Variants in GOLGB1 observed in about 807,000 individuals in gnomAD.
The protein encoded by GOLGB1 is golgin B1, also known as golgin subfamily B member 1.
Under a neutral mutation model 336.9 loss-of-function variants are expected in GOLGB1, and 174 were observed. The observed-to-expected ratio is 0.52, with a 90% CI of 0.46 to 0.59. GOLGB1 has a LOEUF of 0.59. GOLGB1 is among the 20% of genes least tolerant of loss of function. The probability of loss-of-function intolerance (pLI) is 0.00; values close to 1 mark genes in which losing one functional copy is unlikely to be tolerated. For missense variants in GOLGB1, 3,331 were observed against 3,645.3 expected, an observed-to-expected ratio of 0.91 and a Z score of 2.22; for synonymous variants, 1,208 against 1,289.2, an observed-to-expected ratio of 0.94 and a Z score of 1.35.
intron 5 of GOLGB1, among the ~76,000 whole-genome samples, chr3:121,724,339 C>G (rs1268008578): frequency 1.3e-5 from 2 of 152,194 alleles, no homozygotes; most frequent in South Asian, 2.1e-4. Context: ...AAATGAGGAA[C>G]AAAGTATCAG....
Position 121,729,261 on chromosome 3 carries a change from T to C in GOLGB1, c.329A>G (p.Tyr110Cys). ...TCCTTGTGCTTTCATTTCTTCTATGTATTTATTCAAAGAAGTTAATTTGGC... is the reference window on the plus strand; with the variant it reads ...TCCTTGTGCTTTCATTTCTTCTATGCATTTATTCAAAGAAGTTAATTTGGC... ...AKAKLTSLNK[Y>C]IEEMKAQGGT... Residue 110 changes from tyrosine to cysteine, a missense_variant, in exon 4 of 22, where the codon TAC becomes TGC. By Grantham distance (194) the Tyr-to-Cys change is radical. Transcript: ENST00000614479. The C allele has an allele frequency of 6.2e-7, 1 of 1,610,662 alleles. No individual in the cohort carries two copies. Among genetic ancestry groups the C allele is most frequent in the Non-Finnish European group, 8.5e-7 (1 of 1,176,912 alleles).
chr3:121,669,401 A>G (rs779024353), intron 17 of GOLGB1, 46 bp from the exon 18 acceptor site: 3 of 1,495,372 alleles, frequency 2.0e-6, no homozygotes, highest in Admixed American at 2.0e-5. Context: ...TACTGTAAGC[A>G]GTGCTGAGGT....
Position 121,697,145 on chromosome 3 carries a change from A to G in GOLGB1, c.3378T>C (p.Ile1126=), listed in dbSNP as rs1294908023. 3 of 1,614,046 alleles carry G rather than the reference A, an allele frequency of 1.9e-6. No homozygotes were observed. The highest frequency in any genetic ancestry group is 2.5e-6 in the Non-Finnish European group (3 of 1,179,962). ...LQAEISENQA[I]IQKLITSNTD... is the part of the protein sequence containing the mutation. ...TGTTACTTGTGATTAACTTCTGGAT[A>G]ATTGCTTGGTTTTCACTGATTTCTG... Residue 1126 remains isoleucine, a synonymous_variant, in exon 13 of 22, where the codon ATT becomes ATC. Coordinates refer to ENST00000614479, the MANE Select transcript of GOLGB1 (RefSeq NM_001366282.2).
Position 121,696,421 on chromosome 3 carries a change from C to T in GOLGB1, c.4102G>A (p.Ala1368Thr), listed in dbSNP as rs1205984642. ...TGCAGGCTTTCGGCATGGACTTCAG[C>T]TTCATGGGATACTGTCTTTAGACTC... The part of the protein sequence containing the change: ...IESLKTVSHE[A>T]EVHAESLQQK... The change falls in exon 13 of 22, where the codon GCT (alanine) becomes ACT (threonine). Residue 1368 changes from alanine to threonine, a missense_variant. Transcript: ENST00000614479. The T allele has an allele frequency of 1.4e-5, 22 of 1,614,020 alleles. No homozygotes were observed. Among genetic ancestry groups the T allele is most frequent in the Non-Finnish European group, 1.9e-5 (22 of 1,180,024 alleles).
At chr3:121,664,712 A>C in intron 21 of GOLGB1, 98 bp from the exon 22 acceptor site, 6 of 1,192,310 alleles carry the variant, frequency 5.0e-6, no homozygotes, top group East Asian at 2.3e-5. Context: ...TGACCCAACC[A>C]CTGTAGAAAG....
At chr3:121,709,391 G>C (rs1199193144) in intron 10 of GOLGB1, among the ~76,000 whole-genome samples, 1 of 152,042 alleles carries the variant, frequency 6.6e-6, no homozygotes, top group East Asian at 1.9e-4. Context: ...AAGTGTACAA[G>C]GTATGTTCAC....
chr3:121,668,668 G>GT (rs1939048358), intron 18 of GOLGB1, among the ~76,000 whole-genome samples: 1 of 113,256 alleles, frequency 8.8e-6, no homozygotes, highest in Non-Finnish European at 1.7e-5. Context: ...GCGAGACTCC[G>GT]TCTCAAAAAA....
In GOLGB1 at chr3:121,695,397, T is replaced by G; in HGVS notation, c.5126A>C (p.His1709Pro). Residue 1709 changes from histidine (H) to proline (P), a missense_variant, in exon 13 of 22, where the codon CAC (histidine) becomes CCC (proline). Physicochemically the swap from His to Pro is moderately conservative, Grantham distance 77 (BLOSUM62 -2). Coordinates refer to ENST00000614479, the MANE Select transcript of GOLGB1 (RefSeq NM_001366282.2). ...EENDRLRAEV[H>P]PAGDTAKECM... ...CTCTTTAGCTGTATCTCCTGCAGGG[T>G]GCACCTCTGCCCTAAGCCGGTCATT... The G allele has an allele frequency of 4.3e-6, 7 of 1,614,098 alleles. No homozygotes were observed. The highest frequency in any genetic ancestry group is 5.9e-6 in the Non-Finnish European group (7 of 1,180,010).
chr3:121,668,239 A>C (rs1263568949), intron 18 of GOLGB1, 81 bp from the exon 19 acceptor site: 1 of 763,004 alleles, frequency 1.3e-6, no homozygotes, highest in Non-Finnish European at 2.2e-6. Context: ...GCTCGTTTAC[A>C]GAGGACTATC....
Position 121,681,728 on chromosome 3 carries a change from C to A in GOLGB1, c.8832G>T (p.Arg2944Ser). The A allele has an allele frequency of 1.2e-6, 2 of 1,612,664 alleles. No individual in the cohort carries two copies. The highest frequency in any genetic ancestry group is 8.5e-7 in the Non-Finnish European group (1 of 1,178,992). Reference protein sequence around the residue: ...KAFQIMQEELRQENLSWQHEL... With the variant: ...KAFQIMQEELSQENLSWQHEL... ...CATGCTGCCAGGAGAGGTTTTCCTG[C>A]CTGAGCTCTTCTTGCATAATCTGAA... The change falls in exon 15 of 22, where the codon AGG becomes AGT. Residue 2944 changes from arginine (R) to serine (S), a missense_variant. Physicochemically the swap from Arg to Ser is moderately radical, Grantham distance 110. Coordinates refer to ENST00000614479, the MANE Select transcript of GOLGB1 (RefSeq NM_001366282.2).
chr3:121,738,899 C>A (rs1459810497), intron 1 of GOLGB1, among the ~76,000 whole-genome samples: 2 of 152,058 alleles, frequency 1.3e-5, no homozygotes, highest in Non-Finnish European at 2.9e-5. Context: ...CAAGAGGAAA[C>A]CTTATCAAGT....
At chr3:121,742,533 A>G (rs1255799177) in intron 1 of GOLGB1, among the ~76,000 whole-genome samples, 1 of 152,266 alleles carries the variant, frequency 6.6e-6, no homozygotes, top group Non-Finnish European at 1.5e-5. Flanking sequence ...AAACCTAGGC[A>G]ATACCATTCA....
chr3:121,684,910 C>A (rs1157219322), intron 14 of GOLGB1, among the ~76,000 whole-genome samples: 1 of 152,076 alleles, frequency 6.6e-6, no homozygotes, highest in Non-Finnish European at 1.5e-5. Context: ...CCTAGGAGTA[C>A]AGGGCCACTG....
At chr3:121,738,159 T>C (rs1020105389) in intron 1 of GOLGB1, among the ~76,000 whole-genome samples, 10 of 152,234 alleles carry the variant, frequency 6.6e-5, no homozygotes, top group Non-Finnish European at 1.5e-4. Context: ...CTTAAACATA[T>C]AGATTTCTGC....
In GOLGB1 at chr3:121,664,286, G is replaced by A; in HGVS notation, c.*194C>T. On this transcript the variant is annotated 3_prime_UTR_variant, in exon 22 of 22. Coordinates refer to ENST00000614479, the MANE Select transcript of GOLGB1 (RefSeq NM_001366282.2). ...AGCGTTCAGGCTCAGGGCAGTAGAA[G>A]AAAGCAGACTCGCCAGTCCCTGCAG... 1.7e-6 allele frequency: 1 copy of A among 603,968 alleles called. No homozygotes were observed. Among genetic ancestry groups the A allele is most frequent in the South Asian group, 2.0e-5 (1 of 49,036 alleles). 37.4% of individuals were successfully genotyped at this position (603,968 alleles called of 1,614,324 possible).
intron 14 of GOLGB1, among the ~76,000 whole-genome samples, chr3:121,686,492 A>G (rs1941742641): frequency 6.6e-6 from 1 of 152,058 alleles, no homozygotes; most frequent in African/African-American, 2.4e-5. Flanking sequence ...TGCTACCCCA[A>G]GTCATTTTCA....
chr3:121,739,705 C>T (rs1276522035), intron 1 of GOLGB1, among the ~76,000 whole-genome samples: 2 of 152,060 alleles, frequency 1.3e-5, no homozygotes, highest in Admixed American at 6.6e-5. Context: ...CTCAATTCCA[C>T]TCCCCAGCAT....
chr3:121,741,820 T>C (rs548497585), intron 1 of GOLGB1, among the ~76,000 whole-genome samples: 1 of 152,210 alleles, frequency 6.6e-6, no homozygotes, highest in African/African-American at 2.4e-5. Flanking sequence ...GTGCCTAGAT[T>C]GGGGTCTTGA....
intron 1 of GOLGB1, among the ~76,000 whole-genome samples, chr3:121,735,605 G>C (rs1946418472): frequency 1.3e-5 from 2 of 152,156 alleles, no homozygotes; most frequent in African/African-American, 4.8e-5. Flanking sequence ...TACTGTCAGT[G>C]AAAGAAGTTA....
Sources: gnomAD v4.1 joint callset for allele counts (sites outside exome capture counted in the v4.1 genomes callset) on GRCh38, gnomAD v4.1.1 for gene constraint, MANE v1.5 for transcripts, NCBI Gene and HGNC (gene_info 2026-07-23, HGNC 2026-07-21) for gene names.